Variants in INSR observed in about 807,000 individuals in gnomAD.
The protein encoded by INSR is IR.
Under a neutral mutation model 142.6 loss-of-function variants are expected in INSR, and 67 were observed. The observed-to-expected ratio is 0.47, with a 90% confidence interval of 0.39 to 0.58. The LOEUF (loss-of-function observed/expected upper bound fraction) is 0.58. INSR is among the 20% of genes least tolerant of loss of function. INSR has a pLI of 0.00. For synonymous variants in INSR, 756 were observed against 743.1 expected (o/e 1.02, Z -0.28); for missense variants, 1,248 against 1,833.2 (o/e 0.68, Z 5.83).
At chr19:7,174,756 G>A (rs781185445) in intron 3 of INSR, 25 bp from the exon 4 acceptor site, 5 of 1,573,082 alleles carry the variant, frequency 3.2e-6, no homozygotes, top group Non-Finnish European at 2.6e-6. Flanking sequence ...GAGAGAGAGA[G>A]AAAGAGAAAG....
At chr19:7,182,045 C>A (rs1485967203) in intron 3 of INSR, among the ~76,000 whole-genome samples, 1 of 151,812 alleles carries the variant, frequency 6.6e-6, no homozygotes, top group Non-Finnish European at 1.5e-5. Context: ...AAAAGAAAAG[C>A]TTCAGGCCAG....
At chr19:7,228,144 A>G (rs1213360445) in intron 2 of INSR, among the ~76,000 whole-genome samples, 1 of 152,150 alleles carries the variant, frequency 6.6e-6, no homozygotes, top group African/African-American at 2.4e-5. Flanking sequence ...TTTAGTGATG[A>G]CACAGGGTCC....
chr19:7,239,043 A>G (rs2145146109), intron 2 of INSR, among the ~76,000 whole-genome samples: 1 of 151,846 alleles, frequency 6.6e-6, no homozygotes, highest in African/African-American at 2.4e-5. Context: ...AAAAAAAATT[A>G]CAGATTTAAA....
At chr19:7,126,548 G>C in intron 16 of INSR, 36 bp downstream of exon 16, 3 of 1,525,544 alleles carry the variant, frequency 2.0e-6, no homozygotes, top group African/African-American at 1.4e-5. Context: ...TGATGAGTAG[G>C]GTTCTGGCCA....
intron 2 of INSR, among the ~76,000 whole-genome samples, chr19:7,195,206 C>G (rs945901540): frequency 6.6e-6 from 1 of 152,128 alleles, no homozygotes; most frequent in African/African-American, 2.4e-5. Flanking sequence ...TAACATTGCC[C>G]ACAATAGTGG....
intron 2 of INSR, among the ~76,000 whole-genome samples, chr19:7,253,028 T>A (rs1976777563): frequency 6.7e-6 from 1 of 150,028 alleles, no homozygotes; most frequent in Non-Finnish European, 1.5e-5. Context: ...GGCGGGGGAA[T>A]CCCTTGAACC....
intron 2 of INSR, among the ~76,000 whole-genome samples, chr19:7,252,833 C>T (rs117860019): frequency 0.028 from 4,225 of 152,146 alleles, 105 homozygotes; most frequent in East Asian, 0.069. Flanking sequence ...AAAGAAGCCA[C>T]AGCCAGGCGC....
intron 4 of INSR, among the ~76,000 whole-genome samples, chr19:7,173,644 G>A (rs1432274667): frequency 9.1e-6 from 1 of 109,624 alleles, no homozygotes; most frequent in Admixed American, 1.0e-4. Flanking sequence ...TTTTGAGATG[G>A]AGTCTCACTC....
At chr19:7,270,337 TCTCACACA>T (rs1399989910) in intron 1 of INSR, among the ~76,000 whole-genome samples, 12 of 95,698 alleles carry the variant, frequency 1.3e-4, no homozygotes, top group East Asian at 3.7e-4. Context: ...TCTCTCTCTC[TCTCACACA>T]CACACACACA....
Position 7,125,229 on chromosome 19 carries a change from G to C in INSR, c.3258+54C>G, listed in dbSNP as rs544301644. The C allele has an allele frequency of 3.7e-6, 6 of 1,610,664 alleles. No individual in the cohort carries two copies. In the East Asian group the frequency reaches 1.1e-4, roughly 30 times the overall value. ...TCGCTCTGTGCAGGAGGAGGAGGCA[G>C]AGAAAGGGAAGGGTCAGGAAAGCCA... On this transcript the variant is annotated intron_variant, in intron 17 of 21. Transcript: ENST00000302850. The surrounding 1 kb of genome is among the most constrained non-coding windows in gnomAD (Gnocchi z 4.9).
intron 7 of INSR, among the ~76,000 whole-genome samples, chr19:7,167,624 C>A (rs1973917809): frequency 1.3e-5 from 2 of 150,746 alleles, no homozygotes; most frequent in Admixed American, 1.3e-4. Context: ...ATAAGCAATA[C>A]ATTTGATAAC....
At chr19:7,273,729 G>A (rs891755048) in intron 1 of INSR, among the ~76,000 whole-genome samples, 7 of 151,812 alleles carry the variant, frequency 4.6e-5, no homozygotes, top group Non-Finnish European at 1.5e-5. Flanking sequence ...TGTTGGCCAG[G>A]CTGGTCTCGA....
intron 7 of INSR, 98 bp downstream of exon 7, chr19:7,167,870 G>A: frequency 1.4e-6 from 2 of 1,458,534 alleles, no homozygotes; most frequent in Non-Finnish European, 9.6e-7. Flanking sequence ...GAGGGAGATA[G>A]ACAGGAACCC....
intron 2 of INSR, among the ~76,000 whole-genome samples, chr19:7,227,651 G>A (rs1037875952): frequency 6.6e-6 from 1 of 152,142 alleles, no homozygotes; most frequent in Non-Finnish European, 1.5e-5. Context: ...AGCCAGCTTA[G>A]ACCTAATGTG....
intron 9 of INSR, among the ~76,000 whole-genome samples, chr19:7,162,275 C>G (rs1388367536): frequency 1.4e-5 from 2 of 145,000 alleles, no homozygotes; most frequent in East Asian, 4.1e-4. Context: ...TGCAATGAGC[C>G]GAGATCATGC....
intron 2 of INSR, among the ~76,000 whole-genome samples, chr19:7,243,234 GTTTTTTTTTT>G (rs1161289283): frequency 2.9e-5 from 2 of 68,178 alleles, no homozygotes; most frequent in African/African-American, 1.2e-4. Context: ...CACTGTTTTG[GTTTTTTTTTT>G]TTTTTTTTTT....
chr19:7,230,505 C>T (rs925684835), intron 2 of INSR, among the ~76,000 whole-genome samples: 3 of 152,164 alleles, frequency 2.0e-5, no homozygotes, highest in Admixed American at 2.0e-4. Context: ...TGGTACTCCA[C>T]CTTTCAGAAA....
intron 2 of INSR, among the ~76,000 whole-genome samples, chr19:7,200,858 T>TAAAA (rs1974933731): frequency 1.6e-5 from 1 of 62,674 alleles, no homozygotes; most frequent in African/African-American, 1.3e-4. Context: ...AGACCTTATC[T>TAAAA]CAAAAAAAAA....
intron 2 of INSR, among the ~76,000 whole-genome samples, chr19:7,249,552 T>C (rs1024571589): frequency 3.3e-5 from 5 of 152,046 alleles, no homozygotes; most frequent in East Asian, 1.9e-4. Context: ...TAGACAAATA[T>C]TTAGTCTGGC....
Sources: gnomAD v4.1 joint callset for allele counts (sites outside exome capture counted in the v4.1 genomes callset) on GRCh38, gnomAD v4.1.1 for gene constraint, Gnocchi (gnomAD v3.1) non-coding constraint, MANE v1.5 for transcripts, NCBI Gene and HGNC (gene_info 2026-07-23, HGNC 2026-07-21) for gene names.